CACNA1C: variants seen among roughly 807,000 people sequenced by gnomAD.
The protein encoded by CACNA1C is calcium voltage-gated channel subunit alpha1 C.
Under a neutral mutation model 229.0 loss-of-function variants are expected in CACNA1C, and 30 were observed. The ratio of observed to expected loss-of-function variants is 0.13; its 90% CI spans 0.10 to 0.18. The LOEUF (loss-of-function observed/expected upper bound fraction) is 0.18. CACNA1C is among the 10% of genes least tolerant of loss of function. The probability of loss-of-function intolerance (pLI) is 1.00; values close to 1 mark genes in which losing one functional copy is unlikely to be tolerated. For missense variants in CACNA1C, 1,658 were observed against 2,845.0 expected (o/e 0.58, Z 9.49); for synonymous variants, 1,114 against 1,132.5 (o/e 0.98, Z 0.33).
intron 3 of CACNA1C, among the ~76,000 whole-genome samples, chr12:2,266,554 G>C (rs2082474669): frequency 6.6e-6 from 1 of 152,348 alleles, no homozygotes; most frequent in Admixed American, 6.5e-5. Flanking sequence ...GAGTTGGGAA[G>C]GTGCATTGGG....
intron 3 of CACNA1C, among the ~76,000 whole-genome samples, chr12:2,339,104 T>C (rs1404406862): frequency 6.6e-6 from 1 of 152,266 alleles, no homozygotes; most frequent in Non-Finnish European, 1.5e-5. Context: ...TATGTGAACA[T>C]CATAGAGTGA....
At chr12:2,120,243 G>T (rs1250650582) in intron 2 of CACNA1C, 82 bp from the exon 3 acceptor site, 1 of 808,620 alleles carries the variant, frequency 1.2e-6, no homozygotes, top group South Asian at 1.4e-5. Context: ...ATGAATCTTT[G>T]ATTCATTTTA....
chr12:2,160,538 G>A (rs1289007650), intron 3 of CACNA1C, among the ~76,000 whole-genome samples: 1 of 152,140 alleles, frequency 6.6e-6, no homozygotes, highest in Non-Finnish European at 1.5e-5. Context: ...CCAGTAGTTT[G>A]CGTCTTGAAG....
intron 1 of CACNA1C, among the ~76,000 whole-genome samples, chr12:2,023,329 T>C (rs61481868): frequency 0.067 from 10,272 of 152,204 alleles, 1,108 homozygotes; most frequent in East Asian, 0.53. Flanking sequence ...TCCTTTCTTG[T>C]ATATTTAATG....
rs751337744 is a variant in CACNA1C at position 2,601,840 on chromosome 12, G to T, written c.2854-14G>T. ...GGGCCACTCACACTGGTGTTCCTTT[G>T]TCCCTCCCTGCAGATGACTGCTTAT... On this transcript the variant is annotated splice_polypyrimidine_tract_variant and intron_variant, in intron 21 of 46. Transcript: ENST00000399655. The surrounding 1 kb of genome is among the most constrained non-coding windows in gnomAD (Gnocchi z 5.9). The T allele has an allele frequency of 2.5e-6, 4 of 1,585,152 alleles. No individual in the cohort carries two copies. Among genetic ancestry groups the T allele is most frequent in the Non-Finnish European group, 2.6e-6 (3 of 1,153,670 alleles).
chr12:2,088,524 G>T (rs78800894), intron 1 of CACNA1C, among the ~76,000 whole-genome samples: 1 of 152,160 alleles, frequency 6.6e-6, no homozygotes, highest in Non-Finnish European at 1.5e-5. Context: ...ACCTTATGGG[G>T]GTGCTGAGAG....
At chr12:2,203,174 A>G (rs1330551181) in intron 3 of CACNA1C, among the ~76,000 whole-genome samples, 1 of 152,156 alleles carries the variant, frequency 6.6e-6, no homozygotes, top group African/African-American at 2.4e-5. Flanking sequence ...TATTCAAAGT[A>G]TCAGGCCACA....
intron 43 of CACNA1C, among the ~76,000 whole-genome samples, chr12:2,684,155 G>C (rs373944105): frequency 1.3e-5 from 2 of 152,174 alleles, no homozygotes; most frequent in African/African-American, 4.8e-5. Context: ...CTTTCTGCTC[G>C]GGAACTGGAT....
At chr12:2,345,802 T>C (rs2154523757) in intron 3 of CACNA1C, among the ~76,000 whole-genome samples, 1 of 152,276 alleles carries the variant, frequency 6.6e-6, no homozygotes, top group East Asian at 1.9e-4. Flanking sequence ...ACAGCCGTGA[T>C]CATCTGTCCC....
In CACNA1C at chr12:2,348,373, C is replaced by T. The variant is rs369168457; in HGVS notation, c.478-100603C>T. Reference sequence around the variant, plus strand: ...GGACTTCCCAAGAGCTCCCGGCCCACGACTGAGTCACGCGGCTTCTTAGCA... The same window carrying T: ...GGACTTCCCAAGAGCTCCCGGCCCATGACTGAGTCACGCGGCTTCTTAGCA... On this transcript the variant is annotated intron_variant, in intron 3 of 46. Transcript: ENST00000399655. This position sits in a 1 kb window ranked among gnomAD's most constrained non-coding sequence, Gnocchi z 4.7. Among the ~76,000 whole-genome samples the T allele has an allele frequency of 3.0e-4, 46 of 152,306 alleles. 1 individual carries two copies. In the South Asian group the frequency reaches 7.9e-3, roughly 26 times the overall value.
chr12:2,041,217 G>A (rs974577730), intron 1 of CACNA1C, among the ~76,000 whole-genome samples: 1 of 151,224 alleles, frequency 6.6e-6, no homozygotes, highest in Non-Finnish European at 1.5e-5. Context: ...AAACAATCTG[G>A]GTTGAAAAAG....
At chr12:2,629,100 C>T (rs1220017279) in intron 29 of CACNA1C, among the ~76,000 whole-genome samples, 2 of 152,178 alleles carry the variant, frequency 1.3e-5, no homozygotes, top group Non-Finnish European at 2.9e-5. Flanking sequence ...ATGATTACCT[C>T]CCCTCAGAAA....
intron 24 of CACNA1C, among the ~76,000 whole-genome samples, chr12:2,606,310 G>A (rs528699448): frequency 5.3e-5 from 8 of 151,582 alleles, no homozygotes; most frequent in South Asian, 4.2e-4. Context: ...CTGTGTAAAC[G>A]CCCATCTAAT....
chr12:2,233,205 G>A (rs1445067080), intron 3 of CACNA1C, among the ~76,000 whole-genome samples: 3 of 152,182 alleles, frequency 2.0e-5, no homozygotes, highest in Non-Finnish European at 2.9e-5. Context: ...ACCAGTTCGT[G>A]ACTCTCCCAC....
intron 29 of CACNA1C, among the ~76,000 whole-genome samples, chr12:2,618,123 G>A (rs1031847742): frequency 6.6e-6 from 1 of 152,238 alleles, no homozygotes; most frequent in African/African-American, 2.4e-5. Context: ...GTTGGAGTCT[G>A]TGGCGCCAGG....
At chr12:2,264,408 A>T (rs752884670) in intron 3 of CACNA1C, among the ~76,000 whole-genome samples, 5 of 152,240 alleles carry the variant, frequency 3.3e-5, no homozygotes, top group Admixed American at 6.5e-5. Context: ...CACTGACAAG[A>T]ACTGCAGAAA....
intron 3 of CACNA1C, among the ~76,000 whole-genome samples, chr12:2,339,206 T>C (rs535548733): frequency 6.6e-6 from 1 of 152,368 alleles, no homozygotes; most frequent in East Asian, 1.9e-4. Flanking sequence ...CATGCCACTG[T>C]ACTTCAGTAC....
At chr12:2,256,090 C>CTATCCTGA (rs142296568) in intron 3 of CACNA1C, among the ~76,000 whole-genome samples, 1 of 34,884 alleles carries the variant, frequency 2.9e-5, no homozygotes, top group Non-Finnish European at 7.1e-5. Flanking sequence ...TACAATCACA[C>CTATCCTGA]CTCCTGTTTC....
intron 1 of CACNA1C, among the ~76,000 whole-genome samples, chr12:2,041,414 C>T (rs912267660): frequency 4.6e-5 from 7 of 151,498 alleles, no homozygotes; most frequent in Middle Eastern, 6.9e-3. Flanking sequence ...GTAGCTGGGA[C>T]TACAGGCGCT....
Sources: gnomAD v4.1 joint callset for allele counts (sites outside exome capture counted in the v4.1 genomes callset) on GRCh38, gnomAD v4.1.1 for gene constraint, Gnocchi (gnomAD v3.1) non-coding constraint, MANE v1.5 for transcripts, NCBI Gene and HGNC (gene_info 2026-07-23, HGNC 2026-07-21) for gene names.